Variants in SLC5A8 observed in about 807,000 individuals in gnomAD.
SLC5A8 encodes solute carrier family 5 member 8, also known as sodium-coupled monocarboxylate transporter 1.
In SLC5A8, 55 loss-of-function variants were observed where a neutral mutation model predicts 71.9. That is an observed-to-expected ratio of 0.77 (90% CI 0.62 to 0.96). The LOEUF is 0.96. SLC5A8 is among the 40% of genes least tolerant of loss of function. SLC5A8 has a pLI of 0.00. For synonymous variants in SLC5A8, 307 were observed against 276.1 expected, an observed-to-expected ratio of 1.11 and a Z score of -1.11; for missense variants, 701 against 745.3, an observed-to-expected ratio of 0.94 and a Z score of 0.69.
chr12:101,210,021 G>A lies in SLC5A8; in HGVS notation c.-173C>T, dbSNP rs1476325289. 1.2e-5 allele frequency: 7 copies of A among 562,618 alleles called. No individual in the cohort carries two copies. Among genetic ancestry groups the A allele is most frequent in the Middle Eastern group, 9.5e-4 (2 of 2,116 alleles). 34.9% of individuals were successfully genotyped at this position (562,618 alleles called of 1,614,324 possible). ...GAACGCACCCCGAGGCGGGGTGAGG[G>A]CTGGCAGTCGCCCCTGCACCCGCCG... On this transcript the variant is annotated 5_prime_UTR_variant, in exon 1 of 15. Coordinates refer to ENST00000536262, the MANE Select transcript of SLC5A8 (RefSeq NM_145913.5).
At chr12:101,192,503 A>G (rs1392603118) in intron 5 of SLC5A8, among the ~76,000 whole-genome samples, 1 of 152,192 alleles carries the variant, frequency 6.6e-6, no homozygotes, top group Non-Finnish European at 1.5e-5. Context: ...GTCCCTTTCC[A>G]TATTGCAAAA....
At chr12:101,161,547 G>A (rs1457582803) in intron 13 of SLC5A8, among the ~76,000 whole-genome samples, 1 of 152,084 alleles carries the variant, frequency 6.6e-6, no homozygotes, top group Non-Finnish European at 1.5e-5. Flanking sequence ...AGTTCACAAA[G>A]AATGAATACT....
intron 10 of SLC5A8, among the ~76,000 whole-genome samples, chr12:101,171,876 C>A (rs553903840): frequency 6.6e-6 from 1 of 152,164 alleles, no homozygotes; most frequent in Non-Finnish European, 1.5e-5. Flanking sequence ...CCCGGAGTAG[C>A]AGCAAAAGAA....
chr12:101,180,667 G>A (rs138100662), intron 9 of SLC5A8, among the ~76,000 whole-genome samples: 78 of 152,102 alleles, frequency 5.1e-4, no homozygotes, highest in African/African-American at 1.8e-3. Flanking sequence ...GCAACTTCTG[G>A]ATAAGTAGCA....
intron 13 of SLC5A8, among the ~76,000 whole-genome samples, chr12:101,159,224 A>G (rs757190793): frequency 6.6e-6 from 1 of 151,860 alleles, no homozygotes; most frequent in Non-Finnish European, 1.5e-5. Context: ...TAGTACAAAT[A>G]CTAGACTTTT....
Position 101,156,068 on chromosome 12 carries a change from T to C in SLC5A8, c.*1211A>G, listed in dbSNP as rs548288562. 6.6e-6 allele frequency: 1 copy of C among 152,046 alleles called. No individual in the cohort carries two copies. The highest frequency in any genetic ancestry group is 6.6e-5 in the Admixed American group (1 of 15,252). The allele number at this position is 152,046 out of a possible 1,614,324, so 9.4% of individuals were successfully genotyped here. A position where few individuals can be genotyped will look rare whatever the true frequency, so the allele number is the denominator to read the frequency against. On this transcript the variant is annotated 3_prime_UTR_variant, in exon 15 of 15. Coordinates refer to ENST00000536262, the MANE Select transcript of SLC5A8 (RefSeq NM_145913.5). ...ACTCTTAGCTAGGAACATAGCAAAATAAACAGCTAAGCAACTTTGAGACTG... is the reference window on the plus strand; with the variant it reads ...ACTCTTAGCTAGGAACATAGCAAAACAAACAGCTAAGCAACTTTGAGACTG...
intron 10 of SLC5A8, among the ~76,000 whole-genome samples, chr12:101,177,511 C>A (rs1241829722): frequency 2.0e-5 from 3 of 150,666 alleles, no homozygotes; most frequent in Non-Finnish European, 3.0e-5. Flanking sequence ...CACTACAGAT[C>A]AATATCCTTC....
intron 8 of SLC5A8, among the ~76,000 whole-genome samples, chr12:101,183,755 T>C (rs1223208558): frequency 6.6e-6 from 1 of 152,170 alleles, no homozygotes; most frequent in Non-Finnish European, 1.5e-5. Flanking sequence ...AACATGTAAA[T>C]GGAAGATTTC....
At chr12:101,172,812 G>C (rs1348933622) in intron 10 of SLC5A8, among the ~76,000 whole-genome samples, 1 of 152,190 alleles carries the variant, frequency 6.6e-6, no homozygotes, top group African/African-American at 2.4e-5. Context: ...TTCAGGGACT[G>C]TGGCCATCAG....
intron 13 of SLC5A8, among the ~76,000 whole-genome samples, chr12:101,160,678 C>A (rs531137021): frequency 1.3e-5 from 2 of 152,302 alleles, no homozygotes; most frequent in African/African-American, 2.4e-5. Context: ...GCAATAGCCT[C>A]TTCCCTGCCC....
chr12:101,207,192 G>C lies in SLC5A8; in HGVS notation c.351+2306C>G, dbSNP rs540120665. ...GCCTGCAGTGTGCCCACAACTTCAC[G>C]TGTCCTATATTGCTTCCCTTGTTCT... On this transcript the variant is annotated intron_variant, in intron 1 of 14. Coordinates refer to ENST00000536262, the MANE Select transcript of SLC5A8 (RefSeq NM_145913.5). Among the ~76,000 whole-genome samples, 8 of 152,288 alleles carry C rather than the reference G, an allele frequency of 5.3e-5. 1 individual carries two copies. In the South Asian group the frequency reaches 1.7e-3, roughly 32 times the overall value.
intron 12 of SLC5A8, among the ~76,000 whole-genome samples, chr12:101,165,795 T>G (rs186790009): frequency 1.3e-5 from 2 of 152,324 alleles, no homozygotes; most frequent in East Asian, 3.9e-4. Flanking sequence ...GGGGCAATAC[T>G]CTAGGGGCAA....
At chr12:101,166,381 A>G (rs2137125439) in intron 12 of SLC5A8, 113 bp downstream of exon 12, 3 of 824,854 alleles carry the variant, frequency 3.6e-6, no homozygotes, top group Non-Finnish European at 5.5e-6. Context: ...GGTTTTACTC[A>G]TTTCAGAATT....
chr12:101,169,002 G>A (rs138849152), intron 10 of SLC5A8, among the ~76,000 whole-genome samples: 126 of 152,250 alleles, frequency 8.3e-4, no homozygotes, highest in Non-Finnish European at 1.4e-3. Flanking sequence ...TCTTGTTGTC[G>A]TTGTTGTTTT....
chr12:101,205,981 G>C (rs749950734), intron 1 of SLC5A8, among the ~76,000 whole-genome samples: 1 of 152,154 alleles, frequency 6.6e-6, no homozygotes, highest in Non-Finnish European at 1.5e-5. Context: ...TCCAGCCCTT[G>C]ACCCAGTCCC....
chr12:101,171,835 A>G (rs2051832567), intron 10 of SLC5A8, among the ~76,000 whole-genome samples: 1 of 152,192 alleles, frequency 6.6e-6, no homozygotes, highest in Non-Finnish European at 1.5e-5. Flanking sequence ...AGGTCTGGAG[A>G]AGCCACAGTT....
chr12:101,159,242 G>T (rs1322796522), intron 13 of SLC5A8, among the ~76,000 whole-genome samples: 1 of 152,034 alleles, frequency 6.6e-6, no homozygotes, highest in Non-Finnish European at 1.5e-5. Flanking sequence ...TTTAATTATG[G>T]GAACCTCTGC....
Position 101,209,944 on chromosome 12 carries a change from G to A in SLC5A8, c.-96C>T, listed in dbSNP as rs1222306951. ...ACTTCTTATCCCGGATCCCTGGCGC[G>A]CAGGCGTGGCGTCCCGCGGGGACTG... is the stretch of plus-strand genomic sequence containing the variant. On this transcript the variant is annotated 5_prime_UTR_variant, in exon 1 of 15. Transcript: ENST00000536262. The A allele has an allele frequency of 5.1e-6, 6 of 1,173,944 alleles. No homozygotes were observed. Among genetic ancestry groups the A allele is most frequent in the Non-Finnish European group, 6.9e-6 (6 of 873,954 alleles). The allele number at this position is 1,173,944 out of a possible 1,614,324, so 72.7% of individuals were successfully genotyped here.
At position 101,169,739 on chromosome 12, in the gene SLC5A8, T is replaced by C. The variant is rs2051810172; in HGVS notation, c.1234-1557A>G. 2.0e-5 allele frequency among the ~76,000 whole-genome samples: 3 copies of C among 152,308 alleles called. No homozygotes were observed. In the South Asian group the frequency reaches 6.2e-4, roughly 32 times the overall value. On this transcript the variant is annotated intron_variant, in intron 10 of 14. Coordinates refer to ENST00000536262, the MANE Select transcript of SLC5A8 (RefSeq NM_145913.5). Reference sequence around the variant, plus strand: ...ATATTTATGAGCCTAACTACATTATTAGTTAATATTCAAGCTAAAGTTGTT... The same window carrying C: ...ATATTTATGAGCCTAACTACATTATCAGTTAATATTCAAGCTAAAGTTGTT...
Sources: allele counts gnomAD v4.1 joint callset (sites outside exome capture counted in the v4.1 genomes callset), GRCh38; gene constraint gnomAD v4.1.1; transcripts MANE v1.5; gene names NCBI Gene and HGNC (gene_info 2026-07-23, HGNC 2026-07-21).